The following WDR64 variants were observed in gnomAD, a reference collection of about 807,000 sequenced individuals.
The protein encoded by WDR64 is WD repeat-containing protein 64.
A neutral mutation model predicts 139.3 loss-of-function variants in WDR64; 112 were observed. That is an observed-to-expected ratio of 0.80 (90% CI 0.69 to 0.94). The LOEUF is 0.94. Ranked by LOEUF, WDR64 falls within the 40% of genes least tolerant of loss-of-function variation. The pLI, the probability that WDR64 is intolerant of heterozygous loss-of-function variation, is 0.00. For missense variants in WDR64, 1,206 were observed against 1,293.1 expected (o/e 0.93, Z 1.03); for synonymous variants, 444 against 437.7 (o/e 1.01, Z -0.18).
At chr1:241,712,785 C>T (rs545536567) in intron 9 of WDR64, among the ~76,000 whole-genome samples, 5 of 152,046 alleles carry the variant, frequency 3.3e-5, no homozygotes, top group Non-Finnish European at 5.9e-5. Flanking sequence ...TCAAGACTGC[C>T]CTAGGCAACA....
In WDR64 at chr1:241,755,592, T is replaced by C. The variant is rs1345324742; in HGVS notation, c.1771-1691T>C. Among the ~76,000 whole-genome samples the C allele has an allele frequency of 3.9e-5, 6 of 152,238 alleles. No individual in the cohort carries two copies. In the South Asian group the frequency reaches 1.2e-3, roughly 31 times the overall value. The stretch of plus-strand genomic sequence containing the variant: ...GATCTTATTTGTCAATTTTGGCTTT[T>C]GTTGCCATTGCTTTTGGTGTTTTAG... On this transcript the variant is annotated intron_variant, in intron 14 of 27. Coordinates refer to ENST00000437684, the MANE Select transcript of WDR64 (RefSeq NM_001367482.1).
At chr1:241,668,280 G>C (rs1473067480) in intron 2 of WDR64, among the ~76,000 whole-genome samples, 2 of 151,326 alleles carry the variant, frequency 1.3e-5, no homozygotes, top group Non-Finnish European at 3.0e-5. Flanking sequence ...GAGGCCGAGG[G>C]GGGCGGATCA....
At chr1:241,800,488 C>A (rs1397180534) in intron 27 of WDR64, among the ~76,000 whole-genome samples, 1 of 151,880 alleles carries the variant, frequency 6.6e-6, no homozygotes, top group East Asian at 1.9e-4. Flanking sequence ...CAATGCAAAA[C>A]AAACTTTTAT....
intron 1 of WDR64, among the ~76,000 whole-genome samples, chr1:241,658,014 A>G (rs1665675792): frequency 1.3e-5 from 2 of 152,172 alleles, no homozygotes; most frequent in Admixed American, 6.5e-5. Context: ...CAATCTGTAA[A>G]TAGTTTGTTC....
chr1:241,703,419 T>C lies in WDR64; in HGVS notation c.975-8383T>C, dbSNP rs1667805590. Among the ~76,000 whole-genome samples, 1 of 151,694 alleles carries C rather than the reference T, an allele frequency of 6.6e-6. No individual in the cohort carries two copies. On this transcript the variant is annotated intron_variant, in intron 8 of 27. Transcript: ENST00000437684. The surrounding 1 kb of genome is among the most constrained non-coding windows in gnomAD (Gnocchi z 5.9). ...GAAAAGTCTGAGATGAAGCATGTGG[T>C]AATTCAGCCAGGGACTTTTGATAGG...
chr1:241,706,857 G>A (rs1667971772), intron 8 of WDR64, among the ~76,000 whole-genome samples: 1 of 152,066 alleles, frequency 6.6e-6, no homozygotes, highest in Admixed American at 6.5e-5. Flanking sequence ...ATTTTTAATT[G>A]TAGTGTCTAT....
At chr1:241,690,407 G>T (rs1450298721) in intron 8 of WDR64, among the ~76,000 whole-genome samples, 2 of 151,382 alleles carry the variant, frequency 1.3e-5, no homozygotes, top group East Asian at 3.9e-4. Context: ...GGAGGCGGAG[G>T]TTGTAGTGAG....
In WDR64 at chr1:241,738,410, C is replaced by T. The variant is rs1217330709; in HGVS notation, c.1242C>T (p.Phe414=). 1.2e-6 allele frequency: 2 copies of T among 1,613,776 alleles called. No individual in the cohort carries two copies. The highest frequency in any genetic ancestry group is 3.3e-5 in the Admixed American group (2 of 59,992). Residue 414 remains phenylalanine (F), a synonymous_variant, in exon 11 of 28, where the codon TTC becomes TTT. Transcript: ENST00000437684. The stretch of plus-strand genomic sequence containing the variant: ...AAACTCTTTCACTATTACAAGTCTT[C>T]CATGACAGCCAGGGAGGACCAGGAG... ...DIQTLSLLQV[F]HDSQGGPGDM... is the part of the protein sequence containing the mutation.
chr1:241,675,030 T>C (rs1666440248), intron 4 of WDR64, among the ~76,000 whole-genome samples: 1 of 25,312 alleles, frequency 4.0e-5, no homozygotes, highest in African/African-American at 1.2e-4. Context: ...CTTCCTTCCC[T>C]CCCTCCTTCT....
At chr1:241,733,213 A>C (rs1428514492) in intron 10 of WDR64, among the ~76,000 whole-genome samples, 1 of 152,110 alleles carries the variant, frequency 6.6e-6, no homozygotes, top group Non-Finnish European at 1.5e-5. Context: ...GGTGGCTCAC[A>C]CCTGTAATCC....
chr1:241,795,391 G>A (rs1053789414), intron 26 of WDR64, 104 bp downstream of exon 26: 4 of 1,034,430 alleles, frequency 3.9e-6, no homozygotes, highest in Non-Finnish European at 4.3e-6. Context: ...AAATCATACA[G>A]TCAGTTGGAC....
At chr1:241,680,205 G>A (rs1018511298) in intron 6 of WDR64, among the ~76,000 whole-genome samples, 1 of 152,156 alleles carries the variant, frequency 6.6e-6, no homozygotes, top group Non-Finnish European at 1.5e-5. Context: ...ACTGAGCACC[G>A]AGGTTATTTA....
At chr1:241,667,909 T>C (rs1666081069) in intron 2 of WDR64, among the ~76,000 whole-genome samples, 1 of 152,224 alleles carries the variant, frequency 6.6e-6, no homozygotes, top group African/African-American at 2.4e-5. Context: ...AGAAAACTAA[T>C]TCATAGAGGA....
intron 6 of WDR64, among the ~76,000 whole-genome samples, chr1:241,680,599 C>T (rs1040816021): frequency 2.0e-5 from 3 of 152,210 alleles, no homozygotes; most frequent in Admixed American, 6.6e-5. Context: ...CTCTTCTCTT[C>T]TTCCCTTCTT....
At chr1:241,693,504 G>A (rs1399303038) in intron 8 of WDR64, among the ~76,000 whole-genome samples, 1 of 152,110 alleles carries the variant, frequency 6.6e-6, no homozygotes, top group Non-Finnish European at 1.5e-5. Flanking sequence ...CAAAACCTAT[G>A]GAGTGTACAA....
At chr1:241,729,243 T>C (rs1279557325) in intron 10 of WDR64, among the ~76,000 whole-genome samples, 1 of 152,154 alleles carries the variant, frequency 6.6e-6, no homozygotes, top group Non-Finnish European at 1.5e-5. Context: ...ATGGCCTTAG[T>C]TCAGACCCAT....
chr1:241,781,478 G>A (rs769238827), intron 22 of WDR64, among the ~76,000 whole-genome samples: 67 of 152,136 alleles, frequency 4.4e-4, no homozygotes, highest in Non-Finnish European at 8.1e-4. Context: ...ACCAGGTCCG[G>A]CTATAGATTA....
chr1:241,680,128 A>G (rs1233295375), intron 6 of WDR64, among the ~76,000 whole-genome samples: 1 of 152,182 alleles, frequency 6.6e-6, no homozygotes, highest in Non-Finnish European at 1.5e-5. Flanking sequence ...TCATGAATAA[A>G]CATAATATAT....
intron 8 of WDR64, among the ~76,000 whole-genome samples, chr1:241,702,115 C>G (rs1476205092): frequency 2.6e-5 from 4 of 152,210 alleles, no homozygotes; most frequent in Non-Finnish European, 2.9e-5. Context: ...AGCATGTTGC[C>G]TGTTGCAAGA....
Sources: gnomAD v4.1 joint callset for allele counts (sites outside exome capture counted in the v4.1 genomes callset) on GRCh38, gnomAD v4.1.1 for gene constraint, Gnocchi (gnomAD v3.1) non-coding constraint, MANE v1.5 for transcripts, NCBI Gene and HGNC (gene_info 2026-07-23, HGNC 2026-07-21) for gene names.